The following STX8 variants were observed in gnomAD, a reference collection of about 807,000 sequenced individuals.
STX8 encodes the protein syntaxin-8.
STX8 carries 23 observed loss-of-function variants against 37.5 expected under a neutral mutation model. The ratio of observed to expected loss-of-function variants is 0.61; its 90% CI spans 0.44 to 0.87. STX8 has a LOEUF of 0.87. Among genes scored for constraint, STX8 ranks in the 40% least tolerant of loss-of-function variants. The pLI is 0.00. For synonymous variants in STX8, 115 were observed against 99.1 expected (o/e 1.16, Z -0.95); for missense variants, 313 against 284.7 (o/e 1.10, Z -0.71).
chr17:9,563,250 T>G (rs1238128764), intron 2 of STX8, among the ~76,000 whole-genome samples: 1 of 152,048 alleles, frequency 6.6e-6, no homozygotes, highest in East Asian at 1.9e-4. Flanking sequence ...TGGCACGATC[T>G]CGGCTCGCTG....
At chr17:9,485,583 GTTTTTT>G (rs1906554212) in intron 6 of STX8, among the ~76,000 whole-genome samples, 1 of 127,008 alleles carries the variant, frequency 7.9e-6, no homozygotes, top group African/African-American at 2.8e-5. Context: ...TTGTTTTTTT[GTTTTTT>G]GGTTTTTTTT....
chr17:9,313,666 G>A (rs1372824953), intron 7 of STX8, among the ~76,000 whole-genome samples: 6 of 152,134 alleles, frequency 3.9e-5, no homozygotes, highest in African/African-American at 1.2e-4. Context: ...CGCTTCTGTC[G>A]CCCAGGCTGG....
chr17:9,294,084 C>T (rs1908424518), intron 7 of STX8, among the ~76,000 whole-genome samples: 2 of 152,142 alleles, frequency 1.3e-5, no homozygotes. Context: ...TTTTCTCCAT[C>T]TTATAGATGA....
chr17:9,293,470 CTT>C (rs111288273), intron 7 of STX8, among the ~76,000 whole-genome samples: 24 of 145,024 alleles, frequency 1.7e-4, no homozygotes, highest in South Asian at 2.3e-4. Context: ...ATTTTAGAGA[CTT>C]TTTTTTTTTT....
At chr17:9,552,299 G>T (rs899966631) in intron 3 of STX8, among the ~76,000 whole-genome samples, 1 of 152,176 alleles carries the variant, frequency 6.6e-6, no homozygotes, top group Non-Finnish European at 1.5e-5. Flanking sequence ...CTAGGATTTT[G>T]CCACTGCCCC....
intron 7 of STX8, among the ~76,000 whole-genome samples, chr17:9,268,023 T>C (rs931770695): frequency 1.3e-5 from 2 of 149,026 alleles, no homozygotes; most frequent in African/African-American, 5.0e-5. Flanking sequence ...AAGCTTAAAT[T>C]AAGAGCATTT....
chr17:9,426,370 T>C (rs141176337), intron 6 of STX8, among the ~76,000 whole-genome samples: 3,851 of 151,976 alleles, frequency 0.025, 159 homozygotes, highest in African/African-American at 0.088. Flanking sequence ...CTACTAAAAA[T>C]ACAAAAATTA....
chr17:9,575,770 G>A (rs1282779443), intron 1 of STX8, 22 bp downstream of exon 1: 4 of 1,545,820 alleles, frequency 2.6e-6, no homozygotes, highest in East Asian at 2.4e-5. Context: ...TCCACGCACC[G>A]CCGCCCTCAC....
intron 4 of STX8, among the ~76,000 whole-genome samples, chr17:9,509,106 G>A (rs565196408): frequency 6.6e-6 from 1 of 152,060 alleles, no homozygotes; most frequent in Non-Finnish European, 1.5e-5. Context: ...AAAATTAGCT[G>A]GGCATGGTGG....
chr17:9,319,124 T>C (rs991894464), intron 7 of STX8, among the ~76,000 whole-genome samples: 1 of 152,220 alleles, frequency 6.6e-6, no homozygotes, highest in East Asian at 1.9e-4. Flanking sequence ...GATGTTGATA[T>C]ATTAAAAAAT....
intron 6 of STX8, among the ~76,000 whole-genome samples, chr17:9,479,638 A>C (rs1017423137): frequency 6.7e-6 from 1 of 149,180 alleles, no homozygotes; most frequent in Admixed American, 6.7e-5. Context: ...TAATATATAT[A>C]AATTATATGC....
intron 6 of STX8, among the ~76,000 whole-genome samples, chr17:9,476,641 T>TG (rs1294039879): frequency 6.6e-6 from 1 of 151,910 alleles, no homozygotes; most frequent in African/African-American, 2.4e-5. Context: ...TTAGTAGAGA[T>TG]GGGGTTTCAC....
intron 7 of STX8, among the ~76,000 whole-genome samples, chr17:9,263,602 A>G (rs1205924979): frequency 6.6e-6 from 1 of 152,166 alleles, no homozygotes; most frequent in Admixed American, 6.5e-5. Context: ...TTATACCTTA[A>G]TTTGTTCAAA....
chr17:9,277,452 T>C (rs1000417602), intron 7 of STX8, among the ~76,000 whole-genome samples: 3 of 151,956 alleles, frequency 2.0e-5, no homozygotes, highest in African/African-American at 7.3e-5. Context: ...CTAGGCTGAA[T>C]ACACAGAAGC....
intron 6 of STX8, among the ~76,000 whole-genome samples, chr17:9,400,097 G>A (rs62067149): frequency 2.3e-5 from 3 of 130,668 alleles, no homozygotes; most frequent in Non-Finnish European, 3.2e-5. Flanking sequence ...TATTTAATTT[G>A]TTGTTATTAT....
intron 7 of STX8, among the ~76,000 whole-genome samples, chr17:9,280,124 G>A (rs954306659): frequency 6.6e-6 from 1 of 152,224 alleles, no homozygotes; most frequent in African/African-American, 2.4e-5. Context: ...CGAGGCAGGG[G>A]TGGGAGAATT....
At position 9,428,779 on chromosome 17, in the gene STX8, T is replaced by C. The variant is rs534338414; in HGVS notation, c.542-50126A>G. ...GAATCTTTTTTTCTGGCACCATATC[T>C]TCCAAGTTCAGTGTTACCTTGTACT... On this transcript the variant is annotated intron_variant, in intron 6 of 7. Transcript: ENST00000306357. Among the ~76,000 whole-genome samples, 1,164 of 152,320 alleles carry C rather than the reference T, an allele frequency of 7.6e-3. 2 individuals are homozygous for C. Among genetic ancestry groups the C allele is most frequent in the Non-Finnish European group, 0.013 (913 of 68,028 alleles).
chr17:9,372,901 C>A (rs1292306247), intron 7 of STX8, among the ~76,000 whole-genome samples: 1 of 149,642 alleles, frequency 6.7e-6, no homozygotes, highest in Non-Finnish European at 1.5e-5. Flanking sequence ...GTCAGGAGAT[C>A]GAGACCAGCC....
chr17:9,310,745 G>A (rs1421190117), intron 7 of STX8, among the ~76,000 whole-genome samples: 1 of 152,020 alleles, frequency 6.6e-6, no homozygotes, highest in Non-Finnish European at 1.5e-5. Flanking sequence ...AGCTTGGAGA[G>A]GTTAAGTAAC....
Sources: gnomAD v4.1 joint callset for allele counts (sites outside exome capture counted in the v4.1 genomes callset) on GRCh38, gnomAD v4.1.1 for gene constraint, MANE v1.5 for transcripts, NCBI Gene and HGNC (gene_info 2026-07-23, HGNC 2026-07-21) for gene names.